JMY: variants seen among roughly 807,000 people sequenced by gnomAD.
JMY encodes the protein junction mediating and regulatory protein, p53 cofactor.
Under a neutral mutation model 103.3 loss-of-function variants are expected in JMY, and 46 were observed. The ratio of observed to expected loss-of-function variants is 0.45; its 90% confidence interval spans 0.35 to 0.57. The LOEUF is 0.57. Among genes scored for constraint, JMY ranks in the 20% least tolerant of loss-of-function variants. The pLI, the probability that JMY is intolerant of heterozygous loss-of-function variation, is 0.00. For missense variants in JMY, 1,238 were observed against 1,255.2 expected, an observed-to-expected ratio of 0.99 and a Z score of 0.21; for synonymous variants, 526 against 489.3, an observed-to-expected ratio of 1.07 and a Z score of -0.99.
intron 8 of JMY, 33 bp downstream of exon 8, chr5:79,312,531 CTTTTT>C (rs35852788): frequency 1.5e-4 from 127 of 857,112 alleles, no homozygotes; most frequent in Middle Eastern, 3.2e-4. Flanking sequence ...TATTGTTTTT[CTTTTT>C]TTTTTTTTTT....
At chr5:79,309,289 G>C (rs1161454125) in intron 7 of JMY, among the ~76,000 whole-genome samples, 3 of 152,140 alleles carry the variant, frequency 2.0e-5, no homozygotes, top group Non-Finnish European at 1.5e-5. Flanking sequence ...TTTTGGGATA[G>C]ATGTTCTTTA....
chr5:79,286,444 C>A (rs1439774586), intron 2 of JMY, among the ~76,000 whole-genome samples: 1 of 152,072 alleles, frequency 6.6e-6, no homozygotes, highest in Admixed American at 6.6e-5. Context: ...AGTTCAAGAC[C>A]AGCCTGGCCA....
intron 1 of JMY, among the ~76,000 whole-genome samples, chr5:79,254,706 C>T (rs927357273): frequency 6.6e-6 from 1 of 152,102 alleles, no homozygotes; most frequent in Non-Finnish European, 1.5e-5. Context: ...TTGGGAAGTT[C>T]TGTGTTATTA....
chr5:79,236,451 C>T lies in JMY; in HGVS notation c.-200C>T, dbSNP rs995138474. On this transcript the variant is annotated 5_prime_UTR_variant, in exon 1 of 11. Transcript: ENST00000396137. ...ACCTGCTCCCGGGACGCTTATTGTC[C>T]TTCTCTCGATCCGCGCCACAAAGGA... 6 of 419,090 alleles carry T rather than the reference C, an allele frequency of 1.4e-5. No individual in the cohort carries two copies. The highest frequency in any genetic ancestry group is 7.6e-5 in the South Asian group (1 of 13,124). 26.0% of individuals were successfully genotyped at this position (419,090 alleles called of 1,614,324 possible). A position where few individuals can be genotyped will look rare whatever the true frequency, so the allele number is the denominator to read the frequency against.
chr5:79,250,644 A>AT (rs1745056738), intron 1 of JMY, among the ~76,000 whole-genome samples: 3 of 122,832 alleles, frequency 2.4e-5, no homozygotes, highest in African/African-American at 9.3e-5. Context: ...ATTTTTAATT[A>AT]TTTTTCTTTT....
Position 79,323,888 on chromosome 5 carries a change from C to T in JMY, c.*2286C>T, listed in dbSNP as rs1747544099. On this transcript the variant is annotated 3_prime_UTR_variant, in exon 11 of 11. Coordinates refer to ENST00000396137, the MANE Select transcript of JMY (RefSeq NM_152405.5). ...CTCATGGATACATCTACAAGTCTCTCAACCCATCCTGTTACAGTTCTCCAT... is the reference window on the plus strand; with the variant it reads ...CTCATGGATACATCTACAAGTCTCTTAACCCATCCTGTTACAGTTCTCCAT... 1 of 152,178 alleles carries T rather than the reference C, an allele frequency of 6.6e-6. No individual in the cohort carries two copies. 9.4% of individuals were successfully genotyped at this position (152,178 alleles called of 1,614,324 possible).
chr5:79,286,057 G>C (rs1368648021), intron 2 of JMY, among the ~76,000 whole-genome samples: 1 of 152,154 alleles, frequency 6.6e-6, no homozygotes, highest in African/African-American at 2.4e-5. Context: ...CATCTAACCA[G>C]TGCTGCACAT....
chr5:79,300,391 GTTTCT>G, intron 5 of JMY, 73 bp downstream of exon 5: 1 of 1,368,260 alleles, frequency 7.3e-7, no homozygotes, highest in Non-Finnish European at 9.8e-7. Context: ...GACTAGGTAT[GTTTCT>G]TTTGTTAAGA....
intron 1 of JMY, among the ~76,000 whole-genome samples, chr5:79,276,317 C>G (rs1430678411): frequency 6.6e-6 from 1 of 152,000 alleles, no homozygotes; most frequent in African/African-American, 2.4e-5. Flanking sequence ...TGGGGTTTCA[C>G]CATGTTGGCC....
chr5:79,321,517 CTT>C (rs1313008687), intron 10 of JMY, 87 bp from the exon 11 acceptor site: 1 of 150,576 alleles, frequency 6.6e-6, no homozygotes, highest in South Asian at 2.1e-4. Flanking sequence ...TAAAAAATGT[CTT>C]TTTTACACTT....
chr5:79,302,452 G>GC (rs1746764431), intron 6 of JMY, among the ~76,000 whole-genome samples: 1 of 152,172 alleles, frequency 6.6e-6, no homozygotes, highest in Non-Finnish European at 1.5e-5. Context: ...GCCAAAAACA[G>GC]CAAGAGCAGG....
chr5:79,290,557 T>C (rs1181428299), intron 3 of JMY, among the ~76,000 whole-genome samples: 4 of 152,132 alleles, frequency 2.6e-5, no homozygotes, highest in Non-Finnish European at 5.9e-5. Context: ...CTGGAAACTT[T>C]GAAAGTTAAT....
intron 1 of JMY, among the ~76,000 whole-genome samples, chr5:79,246,658 G>A (rs1348582268): frequency 2.6e-5 from 4 of 152,116 alleles, no homozygotes; most frequent in South Asian, 2.1e-4. Context: ...CGAGGCAGGC[G>A]GATCATGAGG....
chr5:79,274,120 C>T (rs563634392), intron 1 of JMY, among the ~76,000 whole-genome samples: 2 of 135,768 alleles, frequency 1.5e-5, no homozygotes, highest in South Asian at 2.3e-4. Context: ...TGAACCACCA[C>T]ACCCAGCACT....
chr5:79,275,084 G>T (rs1205596175), intron 1 of JMY, among the ~76,000 whole-genome samples: 1 of 151,568 alleles, frequency 6.6e-6, no homozygotes, highest in Non-Finnish European at 1.5e-5. Context: ...CTTTCTAGCT[G>T]CTGTGGTTGT....
chr5:79,276,957 A>C (rs1279846463), intron 1 of JMY, among the ~76,000 whole-genome samples: 1 of 152,078 alleles, frequency 6.6e-6, no homozygotes, highest in African/African-American at 2.4e-5. Flanking sequence ...GGCCTGCCTC[A>C]AACTCTTGGC....
chr5:79,289,189 C>T (rs937180357), intron 2 of JMY, among the ~76,000 whole-genome samples: 4 of 148,272 alleles, frequency 2.7e-5, no homozygotes, highest in East Asian at 4.0e-4. Context: ...AAGCCAAGAT[C>T]GCACTACTGT....
At chr5:79,314,944 T>G in intron 9 of JMY, 93 bp downstream of exon 9, 1 of 1,148,604 alleles carries the variant, frequency 8.7e-7, no homozygotes. Flanking sequence ...TAAAACACTT[T>G]ATTTTTGACA....
intron 1 of JMY, among the ~76,000 whole-genome samples, chr5:79,273,169 C>T (rs1745836464): frequency 6.6e-6 from 1 of 152,148 alleles, no homozygotes; most frequent in East Asian, 1.9e-4. Context: ...ATCTAAGTTT[C>T]CATGTGTATC....
Sources: allele counts gnomAD v4.1 joint callset (sites outside exome capture counted in the v4.1 genomes callset), GRCh38; gene constraint gnomAD v4.1.1; transcripts MANE v1.5; gene names NCBI Gene and HGNC (gene_info 2026-07-23, HGNC 2026-07-21).